The following NUP98 variants were observed in gnomAD, a reference collection of about 807,000 sequenced individuals.
NUP98 encodes nucleoporin 98 and 96 precursor.
Under a neutral mutation model 191.9 loss-of-function variants are expected in NUP98, and 26 were observed. That is an observed-to-expected ratio of 0.14 (90% confidence interval 0.10 to 0.19). The LOEUF is 0.19. Ranked by LOEUF, NUP98 falls within the 10% of genes least tolerant of loss-of-function variation. NUP98 has a pLI of 1.00. For missense variants in NUP98, 1,941 were observed against 2,178.8 expected, an observed-to-expected ratio of 0.89 and a Z score of 2.17; for synonymous variants, 808 against 778.4, an observed-to-expected ratio of 1.04 and a Z score of -0.63.
chr11:3,720,849 A>AC (rs771071840), intron 16 of NUP98, 24 bp from the exon 17 acceptor site: 39 of 908,666 alleles, frequency 4.3e-5, no homozygotes, highest in African/African-American at 2.6e-4. Flanking sequence ...AAAAAAAAAA[A>AC]CAGAAAAAAA....
chr11:3,677,082 C>T (rs1356276254), intron 31 of NUP98, among the ~76,000 whole-genome samples: 1 of 152,110 alleles, frequency 6.6e-6, no homozygotes, highest in Non-Finnish European at 1.5e-5. Context: ...GTTATTTGCT[C>T]TCATGAAACT....
At position 3,771,789 on chromosome 11, in the gene NUP98, G is replaced by A; in HGVS notation, c.743C>T (p.Ser248Leu). The A allele has an allele frequency of 6.2e-7, 1 of 1,614,216 alleles. No homozygotes were observed. The highest frequency in any genetic ancestry group is 1.1e-5 in the South Asian group (1 of 91,088). ...TTTGTTCTGACCATATGCAAAGCCT[G>A]AATTAGTGGTGGAGGAGCTGAAGAG... ...TGLFSSSTTN[S>L]GFAYGQNKTA... Residue 248 changes from serine (S) to leucine (L), a missense_variant, in exon 7 of 33, where the codon TCA (serine) becomes TTA (leucine). Physicochemically the swap from Ser to Leu is moderately radical, Grantham distance 145. Transcript: ENST00000324932.
intron 31 of NUP98, among the ~76,000 whole-genome samples, chr11:3,678,135 C>G (rs2077875942): frequency 7.5e-6 from 1 of 132,576 alleles, no homozygotes; most frequent in Non-Finnish European, 1.5e-5. Flanking sequence ...AAAACTCTGC[C>G]TAAAAAAAAA....
chr11:3,761,575 T>C (rs2081169403), intron 9 of NUP98, among the ~76,000 whole-genome samples: 1 of 152,106 alleles, frequency 6.6e-6, no homozygotes, highest in Non-Finnish European at 1.5e-5. Context: ...CTGGCCACCA[T>C]GGTGAAACCC....
chr11:3,694,817 T>C (rs967673980), intron 26 of NUP98, among the ~76,000 whole-genome samples: 17 of 151,902 alleles, frequency 1.1e-4, no homozygotes, highest in Admixed American at 1.1e-3. Flanking sequence ...GGGAGACCTA[T>C]AGGTGACAGG....
intron 14 of NUP98, among the ~76,000 whole-genome samples, chr11:3,730,221 C>T (rs568812652): frequency 5.9e-5 from 9 of 151,826 alleles, no homozygotes; most frequent in South Asian, 2.1e-4. Context: ...GGTAACAGAG[C>T]GACTGTATCA....
At chr11:3,749,946 T>C (rs1266783822) in intron 11 of NUP98, among the ~76,000 whole-genome samples, 1 of 152,220 alleles carries the variant, frequency 6.6e-6, no homozygotes, top group African/African-American at 2.4e-5. Context: ...AATATGCGTA[T>C]ATTCCAACAC....
At chr11:3,796,839 T>C (rs1406348250) in intron 1 of NUP98, among the ~76,000 whole-genome samples, 2 of 152,174 alleles carry the variant, frequency 1.3e-5, no homozygotes, top group South Asian at 2.1e-4. Context: ...ACTCAATCTG[T>C]CTCCTCATCT....
intron 13 of NUP98, among the ~76,000 whole-genome samples, chr11:3,734,875 A>G (rs2079984936): frequency 6.6e-6 from 1 of 152,180 alleles, no homozygotes; most frequent in African/African-American, 2.4e-5. Flanking sequence ...CTAGCAAGAC[A>G]TCATCTCAAA....
At chr11:3,739,313 G>A (rs564063535) in intron 12 of NUP98, among the ~76,000 whole-genome samples, 10 of 152,070 alleles carry the variant, frequency 6.6e-5, no homozygotes, top group Non-Finnish European at 1.5e-4. Context: ...GCAGTAGCGC[G>A]ATCTCGGCTC....
In NUP98 at chr11:3,775,881, C is replaced by T. The variant is rs200187885; in HGVS notation, c.495+1G>A. The T allele has an allele frequency of 6.2e-7, 1 of 1,607,850 alleles. No individual in the cohort carries two copies. The highest frequency in any genetic ancestry group is 8.5e-7 in the Non-Finnish European group (1 of 1,178,224). ...CACAAAGATTGGAAGAAAATACATA[C>T]GTTAAATTTAATAGTAGTCCCAGTA... On this transcript the variant is annotated splice_donor_variant, in intron 5 of 32. Coordinates refer to ENST00000324932, the MANE Select transcript of NUP98 (RefSeq NM_016320.5). LOFTEE classifies it high-confidence loss of function.
intron 2 of NUP98, among the ~76,000 whole-genome samples, chr11:3,781,185 CAA>C (rs34704470): frequency 4.5e-4 from 31 of 68,978 alleles, no homozygotes; most frequent in Middle Eastern, 7.8e-3. Flanking sequence ...GATCCTATCT[CAA>C]AAAAAAAAAA....
intron 9 of NUP98, among the ~76,000 whole-genome samples, chr11:3,762,131 C>T (rs569471573): frequency 6.6e-6 from 1 of 152,190 alleles, no homozygotes; most frequent in South Asian, 2.1e-4. Flanking sequence ...TTTTTTAAGA[C>T]AGAGTTTTGC....
At chr11:3,741,438 A>G (rs1327363904) in intron 12 of NUP98, among the ~76,000 whole-genome samples, 1 of 152,042 alleles carries the variant, frequency 6.6e-6, no homozygotes, top group Non-Finnish European at 1.5e-5. Flanking sequence ...CCTGGCCAAC[A>G]TGGTGAAACC....
intron 14 of NUP98, among the ~76,000 whole-genome samples, chr11:3,729,846 T>G (rs114679367): frequency 5.9e-5 from 9 of 152,020 alleles, no homozygotes; most frequent in Admixed American, 5.9e-4. Context: ...ACTTGTATAT[T>G]TGAAAATCCT....
chr11:3,764,346 T>C (rs772647573), intron 8 of NUP98, among the ~76,000 whole-genome samples: 41 of 152,240 alleles, frequency 2.7e-4, no homozygotes, highest in Non-Finnish European at 3.8e-4. Context: ...TACCCATTCA[T>C]TGTTAATAGA....
rs1226251305 is a variant in NUP98, at chr11:3,771,794, A to C, written c.738T>G (p.Thr246=). 2.5e-6 allele frequency: 4 copies of C among 1,614,076 alleles called. No individual in the cohort carries two copies. The highest frequency in any genetic ancestry group is 3.4e-6 in the Non-Finnish European group (4 of 1,180,020). The part of the protein sequence containing the change: ...SATGLFSSST[T]NSGFAYGQNK... Reference sequence around the variant, plus strand: ...TCTGACCATATGCAAAGCCTGAATTAGTGGTGGAGGAGCTGAAGAGTCCTG... The same window carrying C: ...TCTGACCATATGCAAAGCCTGAATTCGTGGTGGAGGAGCTGAAGAGTCCTG... Residue 246 remains threonine (T), a synonymous_variant, in exon 7 of 33, where the codon ACT becomes ACG. Transcript: ENST00000324932.
chr11:3,740,258 C>G (rs761926006), intron 12 of NUP98, among the ~76,000 whole-genome samples: 1 of 152,064 alleles, frequency 6.6e-6, no homozygotes, highest in African/African-American at 2.4e-5. Flanking sequence ...CACCTGTAAC[C>G]CCAGCACTTT....
intron 28 of NUP98, among the ~76,000 whole-genome samples, chr11:3,688,913 A>T (rs770106105): frequency 2.9e-4 from 43 of 150,418 alleles, no homozygotes; most frequent in Non-Finnish European, 5.6e-4. Flanking sequence ...AAAAAACAAA[A>T]ACTGTAAGTA....
Sources: gnomAD v4.1 joint callset for allele counts (sites outside exome capture counted in the v4.1 genomes callset) on GRCh38, gnomAD v4.1.1 for gene constraint, MANE v1.5 for transcripts, NCBI Gene and HGNC (gene_info 2026-07-23, HGNC 2026-07-21) for gene names.